Variants in PNPT1 observed in about 807,000 individuals in gnomAD.
PNPT1 encodes polyribonucleotide nucleotidyltransferase 1, mitochondrial.
In PNPT1, 53 loss-of-function variants were observed where a neutral mutation model predicts 119.5. That is an observed-to-expected ratio of 0.44 (90% CI 0.36 to 0.56). The LOEUF is 0.56. Among genes scored for constraint, PNPT1 ranks in the 20% least tolerant of loss-of-function variants. The pLI, the probability that PNPT1 is intolerant of heterozygous loss-of-function variation, is 0.00. For missense variants in PNPT1, 948 were observed against 938.5 expected (o/e 1.01, Z -0.13); for synonymous variants, 357 against 322.1 (o/e 1.11, Z -1.16).
intron 13 of PNPT1, among the ~76,000 whole-genome samples, chr2:55,663,555 C>T (rs772831522): frequency 1.2e-4 from 18 of 152,314 alleles, no homozygotes; most frequent in Non-Finnish European, 2.1e-4. Context: ...AAGGAAACCA[C>T]ACCTTTCAAT....
chr2:55,651,192 AGGT>A, intron 18 of PNPT1, among the ~76,000 whole-genome samples: 1 of 150,318 alleles, frequency 6.7e-6, no homozygotes, highest in Non-Finnish European at 1.5e-5. Context: ...CCCGTCTGGG[AGGT>A]GAGGGGCGCC....
chr2:55,676,156 A>T (rs190137700), intron 8 of PNPT1, among the ~76,000 whole-genome samples: 1,482 of 146,918 alleles, frequency 0.01, 25 homozygotes, highest in Non-Finnish European at 0.012. Flanking sequence ...GCTACTTGGG[A>T]GGCCGAGTCA....
chr2:55,692,554 C>T (rs1199516989), intron 1 of PNPT1, among the ~76,000 whole-genome samples: 1 of 151,974 alleles, frequency 6.6e-6, no homozygotes, highest in Non-Finnish European at 1.5e-5. Flanking sequence ...AAAGTATGGG[C>T]TTTGTAAGCA....
intron 2 of PNPT1, among the ~76,000 whole-genome samples, chr2:55,686,996 C>T (rs187145612): frequency 6.6e-6 from 1 of 151,114 alleles, no homozygotes; most frequent in Non-Finnish European, 1.5e-5. Context: ...AGGCGGATCA[C>T]GAGGTCAGGA....
rs13013133 is a variant in PNPT1 at position 55,662,331 on chromosome 2, G to A, written c.1177-305C>T. 0.3 allele frequency among the ~76,000 whole-genome samples: 45,850 copies of A among 151,994 alleles called. 7,084 individuals are homozygous for A. The highest frequency in any genetic ancestry group is 0.38 in the South Asian group (1,856 of 4,822). The stretch of plus-strand genomic sequence containing the variant: ...TTTTAAGAACTATGTAGGAGAGTAC[G>A]CTGAGGAAGCCTTAATACAGGTTCA... On this transcript the variant is annotated intron_variant, in intron 13 of 27. Coordinates refer to ENST00000447944, the MANE Select transcript of PNPT1 (RefSeq NM_033109.5).
intron 18 of PNPT1, 59 bp from the exon 19 acceptor site, chr2:55,647,512 TTATC>T: frequency 1.5e-6 from 2 of 1,358,512 alleles, no homozygotes; most frequent in East Asian, 2.4e-5. Flanking sequence ...AAACAAATAT[TTATC>T]TATCAATTTT....
chr2:55,652,741 A>C (rs1572805633), intron 18 of PNPT1, among the ~76,000 whole-genome samples: 1 of 152,268 alleles, frequency 6.6e-6, no homozygotes, highest in South Asian at 2.1e-4. Context: ...TCACACCAAC[A>C]GCAATACCCT....
At chr2:55,673,213 T>C in intron 8 of PNPT1, 134 bp from the exon 9 acceptor site, 3 of 650,500 alleles carry the variant, frequency 4.6e-6, no homozygotes. Context: ...CCTTGATTTC[T>C]TTCCTCAGAA....
intron 8 of PNPT1, among the ~76,000 whole-genome samples, chr2:55,675,661 G>A (rs782626): frequency 0.93 from 141,504 of 152,140 alleles, 66,350 homozygotes; most frequent in African/African-American, 0.96. Context: ...TCACACCATT[G>A]CATTCCAGCT....
At chr2:55,670,841 T>C (rs1002831137) in intron 11 of PNPT1, among the ~76,000 whole-genome samples, 5 of 152,166 alleles carry the variant, frequency 3.3e-5, no homozygotes, top group African/African-American at 4.8e-5. Context: ...CTGCATCAAA[T>C]GTAGTGCTAG....
intron 5 of PNPT1, among the ~76,000 whole-genome samples, chr2:55,682,283 C>T (rs937036708): frequency 4.0e-5 from 6 of 151,868 alleles, no homozygotes; most frequent in African/African-American, 1.5e-4. Context: ...CATGGCAAAA[C>T]CCCATCTCTA....
In PNPT1 at chr2:55,670,307, C is replaced by A. The variant is rs188682782; in HGVS notation, c.976+1012G>T. 5.3e-4 allele frequency among the ~76,000 whole-genome samples: 80 copies of A among 152,128 alleles called. No homozygotes were observed. In the East Asian group the frequency reaches 9.1e-3, roughly 17 times the overall value. ...GTTCACGCCATTCTCCTGCCTCAGCCTCCTGGGTAGCTGGGACCACAGGTG... is the reference window on the plus strand; with the variant it reads ...GTTCACGCCATTCTCCTGCCTCAGCATCCTGGGTAGCTGGGACCACAGGTG... On this transcript the variant is annotated intron_variant, in intron 11 of 27. Coordinates refer to ENST00000447944, the MANE Select transcript of PNPT1 (RefSeq NM_033109.5).
At position 55,686,452 on chromosome 2, in the gene PNPT1, A is replaced by G; in HGVS notation, c.223-8T>C. On this transcript the variant is annotated splice_polypyrimidine_tract_variant and splice_region_variant and intron_variant, in intron 2 of 27. Coordinates refer to ENST00000447944, the MANE Select transcript of PNPT1 (RefSeq NM_033109.5). ...TACTGCAGTGTCACCTGACTTAAAC[A>G]TAAAGAACAACGCTGGTAAGTTCCT... 6.2e-7 allele frequency: 1 copy of G among 1,610,852 alleles called. No individual in the cohort carries two copies. The highest frequency in any genetic ancestry group is 8.5e-7 in the Non-Finnish European group (1 of 1,177,540).
Position 55,643,229 on chromosome 2 carries a change from A to G in PNPT1, c.2014-16T>C. On this transcript the variant is annotated splice_polypyrimidine_tract_variant and intron_variant, in intron 24 of 27. Coordinates refer to ENST00000447944, the MANE Select transcript of PNPT1 (RefSeq NM_033109.5). ...GCTGCTCCTGCTGTAAGTGCAAAATAAGCCATAAGATTCATAAAGAAAACA... is the reference window on the plus strand; with the variant it reads ...GCTGCTCCTGCTGTAAGTGCAAAATGAGCCATAAGATTCATAAAGAAAACA... 6.2e-7 allele frequency: 1 copy of G among 1,614,206 alleles called. No homozygotes were observed. Among genetic ancestry groups the G allele is most frequent in the Non-Finnish European group, 8.5e-7 (1 of 1,180,022 alleles).
intron 27 of PNPT1, among the ~76,000 whole-genome samples, chr2:55,636,946 A>G (rs1695693200): frequency 6.6e-6 from 1 of 152,258 alleles, no homozygotes; most frequent in African/African-American, 2.4e-5. Flanking sequence ...CTTAGCACTC[A>G]TCTTCCCCTG....
intron 13 of PNPT1, 25 bp from the exon 14 acceptor site, chr2:55,662,051 G>A: frequency 6.6e-7 from 1 of 1,518,036 alleles, no homozygotes; most frequent in South Asian, 1.3e-5. Flanking sequence ...GAATTCCTCA[G>A]GCTTTAATAT....
At chr2:55,638,895 C>T (rs1025408240) in intron 26 of PNPT1, among the ~76,000 whole-genome samples, 9 of 151,980 alleles carry the variant, frequency 5.9e-5, no homozygotes, top group African/African-American at 2.2e-4. Flanking sequence ...CTGCCTCAGC[C>T]TCCAGAGTAG....
intron 8 of PNPT1, among the ~76,000 whole-genome samples, chr2:55,677,356 G>A (rs867287306): frequency 3.9e-5 from 6 of 152,258 alleles, no homozygotes; most frequent in Middle Eastern, 3.4e-3. Context: ...CACTTTTGGT[G>A]GCCGAAGCGG....
intron 18 of PNPT1, among the ~76,000 whole-genome samples, chr2:55,650,141 C>CACCTCTACCTCTACCTCTACCTCT (rs75906141): frequency 4.7e-5 from 7 of 149,822 alleles, no homozygotes; most frequent in African/African-American, 1.7e-4. Context: ...TCCCTCTCTC[C>CACCTCTACCTCTACCTCTACCTCT]ACCTCTACCT....
Sources: allele counts gnomAD v4.1 joint callset (sites outside exome capture counted in the v4.1 genomes callset), GRCh38; gene constraint gnomAD v4.1.1; transcripts MANE v1.5; gene names NCBI Gene and HGNC (gene_info 2026-07-23, HGNC 2026-07-21).